THRB: variants seen among roughly 807,000 people sequenced by gnomAD.
THRB encodes the protein nuclear receptor subfamily 1 group A member 2.
THRB carries 12 observed loss-of-function variants against 47.8 expected under a neutral mutation model. The observed-to-expected ratio is 0.25, with a 90% CI of 0.16 to 0.41. The LOEUF is 0.41. THRB is among the 10% of genes least tolerant of loss of function. The pLI is 1.00. For missense variants in THRB, 348 were observed against 589.2 expected (o/e 0.59, Z 4.24); for synonymous variants, 218 against 212.2 (o/e 1.03, Z -0.24).
At chr3:24,227,282 C>T (rs771621280) in intron 4 of THRB, among the ~76,000 whole-genome samples, 7 of 152,164 alleles carry the variant, frequency 4.6e-5, no homozygotes, top group African/African-American at 7.2e-5. Context: ...CTCACACCTG[C>T]GTGTGCCTGC....
Position 24,232,089 on chromosome 3 carries a change from G to T in THRB, c.-42-3088C>A, listed in dbSNP as rs186862049. On this transcript the variant is annotated intron_variant, in intron 3 of 10. Transcript: ENST00000646209. Reference sequence around the variant, plus strand: ...GGGTTTTCAGTTAGATCCAGTGAGGGTCTGTGTACCACGGCCCTTCAAAGT... The same window carrying T: ...GGGTTTTCAGTTAGATCCAGTGAGGTTCTGTGTACCACGGCCCTTCAAAGT... Among the ~76,000 whole-genome samples the T allele has an allele frequency of 2.0e-5, 3 of 152,256 alleles. No individual in the cohort carries two copies. In the East Asian group the frequency reaches 5.8e-4, roughly 29 times the overall value.
At position 24,436,758 on chromosome 3, in the gene THRB, G is replaced by C. The variant is rs543745009; in HGVS notation, c.-261+57894C>G. On this transcript the variant is annotated intron_variant, in intron 1 of 10. Transcript: ENST00000646209. The stretch of plus-strand genomic sequence containing the variant: ...ACGTACATCTAACCACCTGGGCCAA[G>C]CTTCTTCGAAATGCTCTGAGCACTT... Among the ~76,000 whole-genome samples, 8 of 152,246 alleles carry C rather than the reference G, an allele frequency of 5.3e-5. No homozygotes were observed. In the South Asian group the frequency reaches 1.7e-3, roughly 32 times the overall value.
intron 6 of THRB, among the ~76,000 whole-genome samples, chr3:24,147,093 C>A (rs143752443): frequency 1.3e-5 from 2 of 151,876 alleles, no homozygotes; most frequent in South Asian, 4.2e-4. Context: ...GAACATCTAG[C>A]GCTTGTTTTT....
At position 24,341,978 on chromosome 3, in the gene THRB, A is replaced by G. The variant is rs183313400; in HGVS notation, c.-260-4607T>C. Among the ~76,000 whole-genome samples the G allele has an allele frequency of 3.4e-3, 511 of 152,280 alleles. 4 individuals are homozygous for G. Among genetic ancestry groups the G allele is most frequent in the African/African-American group, 0.011 (456 of 41,564 alleles). ...CTGACATACAGCTGACCACAAATGC[A>G]TGAGTGAGCCCACCCAAGACTGGCA... On this transcript the variant is annotated intron_variant, in intron 1 of 10. Transcript: ENST00000646209.
chr3:24,390,802 A>ATG (rs1371297760), intron 1 of THRB, among the ~76,000 whole-genome samples: 2 of 145,910 alleles, frequency 1.4e-5, no homozygotes, highest in Admixed American at 1.4e-4. Context: ...AAAAAAATAT[A>ATG]TATATATATA....
intron 1 of THRB, among the ~76,000 whole-genome samples, chr3:24,441,032 TCCTAA>T (rs2071476460): frequency 6.6e-6 from 1 of 152,166 alleles, no homozygotes; most frequent in African/African-American, 2.4e-5. Context: ...GCTTGGGGTC[TCCTAA>T]CCTCACTGGT....
chr3:24,430,537 C>T (rs1249704054), intron 1 of THRB, among the ~76,000 whole-genome samples: 1 of 151,974 alleles, frequency 6.6e-6, no homozygotes, highest in Non-Finnish European at 1.5e-5. Flanking sequence ...TTTATTACCA[C>T]TGAACTCTAT....
chr3:24,240,169 A>G (rs539640916), intron 3 of THRB, among the ~76,000 whole-genome samples: 5 of 152,266 alleles, frequency 3.3e-5, no homozygotes, highest in African/African-American at 1.2e-4. Context: ...TCTTTGTGAG[A>G]CCATGGCCAC....
chr3:24,189,936 G>A (rs1386638213), intron 5 of THRB, 138 bp downstream of exon 5: 8 of 786,696 alleles, frequency 1.0e-5, no homozygotes, highest in Middle Eastern at 2.5e-4. Flanking sequence ...AGAAAAGGAC[G>A]CCTAGTAAAA....
intron 3 of THRB, among the ~76,000 whole-genome samples, chr3:24,238,308 T>TGTGTGTGG: frequency 7.6e-6 from 1 of 131,736 alleles, no homozygotes; most frequent in Non-Finnish European, 1.6e-5. Flanking sequence ...GGGGTGTGTG[T>TGTGTGTGG]GTGATGAACG....
chr3:24,369,700 G>C (rs1465392456), intron 1 of THRB, among the ~76,000 whole-genome samples: 1 of 152,118 alleles, frequency 6.6e-6, no homozygotes. Flanking sequence ...CTGTTTCACT[G>C]TTCCAAATTT....
intron 4 of THRB, among the ~76,000 whole-genome samples, chr3:24,208,961 T>C (rs9864487): frequency 0.048 from 7,376 of 152,150 alleles, 315 homozygotes; most frequent in African/African-American, 0.11. Context: ...AGGGCTAATA[T>C]CCAGAATCTA....
At chr3:24,227,387 A>T (rs1448352931) in intron 4 of THRB, among the ~76,000 whole-genome samples, 2 of 152,180 alleles carry the variant, frequency 1.3e-5, no homozygotes, top group Non-Finnish European at 2.9e-5. Flanking sequence ...TTGGTTTATG[A>T]CGTAGAAGGA....
chr3:24,327,970 A>T (rs986832576), intron 2 of THRB, among the ~76,000 whole-genome samples: 2 of 152,352 alleles, frequency 1.3e-5, no homozygotes, highest in African/African-American at 4.8e-5. Flanking sequence ...CATTAAAAAA[A>T]ATCAATACCC....
intron 5 of THRB, among the ~76,000 whole-genome samples, chr3:24,154,105 G>T (rs2037432145): frequency 6.6e-6 from 1 of 152,150 alleles, no homozygotes. Context: ...GCAGATAATT[G>T]ACTTGAAAGT....
chr3:24,280,288 C>A (rs143007946), intron 3 of THRB, among the ~76,000 whole-genome samples: 1 of 152,110 alleles, frequency 6.6e-6, no homozygotes, highest in Non-Finnish European at 1.5e-5. Flanking sequence ...TCCTGACCCC[C>A]GAGCAGCCTA....
chr3:24,469,523 C>T lies in THRB; in HGVS notation c.-261+25129G>A, dbSNP rs73150396. ...GATGTCTTCCTATGTCTCAGATGTTCTCATTACTTGAAATATGTAAATCAG... is the reference window on the plus strand; with the variant it reads ...GATGTCTTCCTATGTCTCAGATGTTTTCATTACTTGAAATATGTAAATCAG... On this transcript the variant is annotated intron_variant, in intron 1 of 10. Coordinates refer to ENST00000646209, the MANE Select transcript of THRB (RefSeq NM_001354712.2). Among the ~76,000 whole-genome samples the T allele has an allele frequency of 2.4e-3, 368 of 152,304 alleles. 1 individual carries two copies. Among genetic ancestry groups the T allele is most frequent in the African/African-American group, 8.0e-3 (334 of 41,564 alleles).
At chr3:24,211,197 CA>C (rs370498415) in intron 4 of THRB, among the ~76,000 whole-genome samples, 2,159 of 99,886 alleles carry the variant, frequency 0.022, 10 homozygotes, top group Non-Finnish European at 0.022. Context: ...GACTCCATCT[CA>C]AAAAAAAAAA....
At chr3:24,172,210 G>C (rs933937556) in intron 5 of THRB, among the ~76,000 whole-genome samples, 1 of 152,086 alleles carries the variant, frequency 6.6e-6, no homozygotes, top group Non-Finnish European at 1.5e-5. Flanking sequence ...GGAGCTTAAG[G>C]CACGGATACA....
Sources: gnomAD v4.1 joint callset for allele counts (sites outside exome capture counted in the v4.1 genomes callset) on GRCh38, gnomAD v4.1.1 for gene constraint, MANE v1.5 for transcripts, NCBI Gene and HGNC (gene_info 2026-07-23, HGNC 2026-07-21) for gene names.